Variants in OPN5 observed in about 807,000 individuals in gnomAD.
The protein encoded by OPN5 is opsin-5.
Under a neutral mutation model 41.7 loss-of-function variants are expected in OPN5, and 18 were observed. The ratio of observed to expected loss-of-function variants is 0.43; its 90% CI spans 0.30 to 0.64. The LOEUF (loss-of-function observed/expected upper bound fraction) is 0.64, where lower values mean the gene tolerates loss of function less well. Among genes scored for constraint, OPN5 ranks in the 30% least tolerant of loss-of-function variants. The pLI is 0.13. For missense variants in OPN5, 318 were observed against 434.5 expected, an observed-to-expected ratio of 0.73 and a Z score of 2.38; for synonymous variants, 178 against 164.3, an observed-to-expected ratio of 1.08 and a Z score of -0.64.
At chr6:47,809,394 T>G (rs981530599) in intron 5 of OPN5, among the ~76,000 whole-genome samples, 1 of 152,184 alleles carries the variant, frequency 6.6e-6, no homozygotes, top group Non-Finnish European at 1.5e-5. Flanking sequence ...CCTGAGCAAG[T>G]GACAAATATT....
chr6:47,782,691 T>C (rs935891518), intron 1 of OPN5, among the ~76,000 whole-genome samples: 1 of 152,180 alleles, frequency 6.6e-6, no homozygotes, highest in African/African-American at 2.4e-5. Flanking sequence ...TTACTTCACC[T>C]AAAAGTAAAG....
At chr6:47,813,837 A>G (rs539176866) in intron 6 of OPN5, among the ~76,000 whole-genome samples, 26 of 152,210 alleles carry the variant, frequency 1.7e-4, no homozygotes, top group Middle Eastern at 3.4e-3. Context: ...AGTTGAGGAT[A>G]ACTTGGGGCC....
At chr6:47,815,999 A>G (rs1581759271) in intron 6 of OPN5, among the ~76,000 whole-genome samples, 1 of 152,298 alleles carries the variant, frequency 6.6e-6, no homozygotes, top group South Asian at 2.1e-4. Context: ...GGTCTGAAAT[A>G]GACAGGCAAC....
intron 4 of OPN5, among the ~76,000 whole-genome samples, chr6:47,802,737 G>A (rs1158357765): frequency 6.6e-6 from 1 of 152,090 alleles, no homozygotes; most frequent in East Asian, 1.9e-4. Context: ...CCAGATACTT[G>A]TAAGTTATTT....
intron 4 of OPN5, among the ~76,000 whole-genome samples, chr6:47,796,731 T>C (rs1399214768): frequency 6.6e-6 from 1 of 152,174 alleles, no homozygotes. Flanking sequence ...TTTTAGTAAG[T>C]CAGAGACTTG....
At chr6:47,805,770 C>T (rs552071054) in intron 4 of OPN5, among the ~76,000 whole-genome samples, 2 of 152,254 alleles carry the variant, frequency 1.3e-5, no homozygotes, top group South Asian at 2.1e-4. Context: ...ACTAATAAAA[C>T]ATTGTATGTC....
chr6:47,788,058 G>A (rs1004241186), intron 2 of OPN5, among the ~76,000 whole-genome samples: 1 of 152,200 alleles, frequency 6.6e-6, no homozygotes, highest in African/African-American at 2.4e-5. Context: ...GGTTATCTGG[G>A]AAGGCTTTAT....
At position 47,782,091 on chromosome 6, in the gene OPN5, C is replaced by A. The variant is rs1319840613; in HGVS notation, c.25C>A (p.Pro9Thr). Residue 9 changes from proline to threonine, a missense_variant, in exon 1 of 7, where the codon CCT becomes ACT. Pro to Thr is a conservative substitution (Grantham distance 38). Around this residue, in one of 3 missense-constraint regions of OPN5, gnomAD observed 46 missense variants for 44.0 expected, o/e 1.05. Transcript: ENST00000371211. ...AATGGCGTTAAATCACACTGCCCTG[C>A]CTCAGGACGAGCGCCTGCCCCATTA... 1.2e-6 allele frequency: 2 copies of A among 1,613,592 alleles called. No individual in the cohort carries two copies. Among genetic ancestry groups the A allele is most frequent in the Non-Finnish European group, 1.7e-6 (2 of 1,179,598 alleles).
At chr6:47,815,432 A>G (rs1451348771) in intron 6 of OPN5, among the ~76,000 whole-genome samples, 1 of 152,120 alleles carries the variant, frequency 6.6e-6, no homozygotes, top group African/African-American at 2.4e-5. Context: ...TCAGAGCTAG[A>G]TGATGAGTAG....
intron 6 of OPN5, among the ~76,000 whole-genome samples, chr6:47,821,514 G>A (rs572516053): frequency 2.0e-5 from 3 of 152,330 alleles, no homozygotes; most frequent in Middle Eastern, 3.4e-3. Flanking sequence ...GGCAAGAGAC[G>A]GAAAGGATTC....
intron 1 of OPN5, among the ~76,000 whole-genome samples, chr6:47,783,788 T>G (rs1581723745): frequency 6.6e-6 from 1 of 152,278 alleles, no homozygotes. Flanking sequence ...TTTATTAAAC[T>G]TAAGTACTTT....
intron 6 of OPN5, among the ~76,000 whole-genome samples, chr6:47,814,632 T>C (rs1762375588): frequency 6.6e-6 from 1 of 152,072 alleles, no homozygotes; most frequent in Admixed American, 6.6e-5. Flanking sequence ...AAGGAGTCAT[T>C]GAAGTTTGGC....
At chr6:47,785,084 A>G (rs1223152132) in intron 1 of OPN5, among the ~76,000 whole-genome samples, 1 of 152,222 alleles carries the variant, frequency 6.6e-6, no homozygotes, top group African/African-American at 2.4e-5. Flanking sequence ...GAAAAGTAAG[A>G]AAACAAATAT....
exon 3 of OPN5, chr6:47,791,850 T>C: frequency 6.2e-7 from 1 of 1,614,098 alleles, no homozygotes; most frequent in Non-Finnish European, 8.5e-7. Flanking sequence ...CACCGCTGGG[T>C]GTTTGGCTGG....
intron 4 of OPN5, among the ~76,000 whole-genome samples, chr6:47,804,078 A>G (rs899703426): frequency 6.6e-6 from 1 of 152,206 alleles, no homozygotes; most frequent in Non-Finnish European, 1.5e-5. Context: ...ATTATGGACA[A>G]CACTGCTTTT....
chr6:47,805,174 T>A (rs1773913568), intron 4 of OPN5, among the ~76,000 whole-genome samples: 1 of 152,164 alleles, frequency 6.6e-6, no homozygotes, highest in Non-Finnish European at 1.5e-5. Context: ...CAAGCAAAAG[T>A]CACACAGACA....
At chr6:47,800,307 G>C (rs1773719386) in intron 4 of OPN5, among the ~76,000 whole-genome samples, 1 of 152,144 alleles carries the variant, frequency 6.6e-6, no homozygotes, top group African/African-American at 2.4e-5. Context: ...TTGGGTGAAG[G>C]GGTGGGGATT....
chr6:47,825,303 T>TAGTG (rs1320857440), downstream of OPN5: 1 of 152,096 alleles, frequency 6.6e-6, no homozygotes, highest in Non-Finnish European at 1.5e-5. Context: ...TAATAAAAAG[T>TAGTG]AGTGAGGTAT....
intron 6 of OPN5, among the ~76,000 whole-genome samples, chr6:47,819,131 T>C (rs921588226): frequency 6.6e-6 from 1 of 151,532 alleles, no homozygotes; most frequent in African/African-American, 2.4e-5. Context: ...TTCTTTAAAT[T>C]TGTTTGTCAA....
Sources: gnomAD v4.1 joint callset for allele counts (sites outside exome capture counted in the v4.1 genomes callset) on GRCh38, gnomAD v4.1.1 for gene constraint, gnomAD v4.1.1 regional missense constraint, MANE v1.5 for transcripts, NCBI Gene and HGNC (gene_info 2026-07-23, HGNC 2026-07-21) for gene names.